B3GALT1: variants seen among roughly 807,000 people sequenced by gnomAD.
B3GALT1 encodes the protein beta-1,3-galactosyltransferase 1.
In B3GALT1, 10 loss-of-function variants were observed where a neutral mutation model predicts 23.2. That is an observed-to-expected ratio of 0.43 (90% confidence interval 0.27 to 0.73). The LOEUF is 0.73. Ranked by LOEUF, B3GALT1 falls within the 30% of genes least tolerant of loss-of-function variation. B3GALT1 has a pLI of 0.21. For missense variants in B3GALT1, 299 were observed against 405.4 expected (o/e 0.74, Z 2.25); for synonymous variants, 156 against 141.5 (o/e 1.10, Z -0.73).
intron 1 of B3GALT1, among the ~76,000 whole-genome samples, chr2:167,369,107 G>GTGTGTT (rs1559077327): frequency 7.5e-6 from 1 of 132,756 alleles, no homozygotes; most frequent in African/African-American, 2.7e-5. Flanking sequence ...GTGTGTGTGT[G>GTGTGTT]TATCTTTATG....
chr2:167,599,749 G>A (rs901927215), intron 2 of B3GALT1, among the ~76,000 whole-genome samples: 2 of 152,092 alleles, frequency 1.3e-5, no homozygotes, highest in African/African-American at 4.8e-5. Context: ...AACATATACT[G>A]TTTTACTGCC....
intron 2 of B3GALT1, among the ~76,000 whole-genome samples, chr2:167,559,438 G>T (rs903038507): frequency 1.3e-5 from 2 of 152,222 alleles, no homozygotes; most frequent in African/African-American, 4.8e-5. Flanking sequence ...CACCAGCAAC[G>T]AAACGAAGCT....
chr2:167,686,662 T>C (rs140770916), intron 3 of B3GALT1, among the ~76,000 whole-genome samples: 27 of 152,338 alleles, frequency 1.8e-4, no homozygotes, highest in African/African-American at 6.3e-4. Context: ...TATTTAAAGC[T>C]CACAGTCACT....
chr2:167,543,158 A>T (rs1399197168), intron 2 of B3GALT1, among the ~76,000 whole-genome samples: 4 of 152,160 alleles, frequency 2.6e-5, no homozygotes, highest in Non-Finnish European at 1.5e-5. Flanking sequence ...ATTCTCTAGA[A>T]CTATGGGATT....
At chr2:167,549,794 A>C (rs1683713773) in intron 2 of B3GALT1, among the ~76,000 whole-genome samples, 1 of 152,204 alleles carries the variant, frequency 6.6e-6, no homozygotes, top group African/African-American at 2.4e-5. Flanking sequence ...AAATATTACC[A>C]TTAAAGTCAT....
intron 2 of B3GALT1, among the ~76,000 whole-genome samples, chr2:167,623,746 TATA>T (rs1685298834): frequency 6.6e-6 from 1 of 152,030 alleles, no homozygotes; most frequent in South Asian, 2.1e-4. Flanking sequence ...GAACTTAAAG[TATA>T]ATAATTAACA....
Position 167,871,723 on chromosome 2 carries a change from T to G in B3GALT1, c.*1703T>G, listed in dbSNP as rs1690350071. On this transcript the variant is annotated 3_prime_UTR_variant, in exon 5 of 5. Transcript: ENST00000392690. ...CAGGAACCACTGAATCTGAATTCTCTCTAAGAAATTTGAGCGCAGGTAAAG... is the reference window on the plus strand; with the variant it reads ...CAGGAACCACTGAATCTGAATTCTCGCTAAGAAATTTGAGCGCAGGTAAAG... 1 of 152,128 alleles carries G rather than the reference T, an allele frequency of 6.6e-6. No individual in the cohort carries two copies. 9.4% of individuals were successfully genotyped at this position (152,128 alleles called of 1,614,324 possible). A position where few individuals can be genotyped will look rare whatever the true frequency, so the allele number is the denominator to read the frequency against.
intron 3 of B3GALT1, among the ~76,000 whole-genome samples, chr2:167,693,363 A>G (rs995226582): frequency 1.3e-5 from 2 of 152,210 alleles, no homozygotes; most frequent in East Asian, 1.9e-4. Flanking sequence ...CTTGATGTTA[A>G]AAGGCAGAGA....
chr2:167,841,189 A>G lies in B3GALT1; in HGVS notation c.-230+22396A>G, dbSNP rs1309378528. 4.6e-5 allele frequency among the ~76,000 whole-genome samples: 7 copies of G among 151,620 alleles called. No individual in the cohort carries two copies. In the East Asian group the frequency reaches 1.3e-3, roughly 29 times the overall value. On this transcript the variant is annotated intron_variant, in intron 4 of 4. Transcript: ENST00000392690. ...TTAAAGTATAATAATAAATAAATAA[A>G]TAAGTAAAAATAAAAATATGCCTTC...
intron 3 of B3GALT1, among the ~76,000 whole-genome samples, chr2:167,741,127 G>C (rs1180422807): frequency 6.6e-6 from 1 of 152,148 alleles, no homozygotes; most frequent in African/African-American, 2.4e-5. Context: ...AGCCTCTGGT[G>C]TTGTTGGCAG....
chr2:167,434,444 A>G (rs748100960), intron 1 of B3GALT1, among the ~76,000 whole-genome samples: 1 of 149,900 alleles, frequency 6.7e-6, no homozygotes, highest in Non-Finnish European at 1.5e-5. Flanking sequence ...CCACCCCCCA[A>G]TCTTGTAAGC....
chr2:167,744,685 G>A (rs1253794164), intron 3 of B3GALT1, among the ~76,000 whole-genome samples: 2 of 151,790 alleles, frequency 1.3e-5, no homozygotes, highest in African/African-American at 2.4e-5. Context: ...TCCACCTCCC[G>A]AGTTCAAGCG....
chr2:167,350,453 C>T (rs1697292450), intron 1 of B3GALT1, among the ~76,000 whole-genome samples: 1 of 152,190 alleles, frequency 6.6e-6, no homozygotes, highest in Admixed American at 6.5e-5. Flanking sequence ...AGGGTTCATA[C>T]ACAGGCTGAC....
chr2:167,366,185 C>T (rs1697581575), intron 1 of B3GALT1, among the ~76,000 whole-genome samples: 1 of 152,030 alleles, frequency 6.6e-6, no homozygotes. Context: ...GTTTATGAAG[C>T]ATTTAATTGG....
At chr2:167,613,510 T>C (rs1021966700) in intron 2 of B3GALT1, among the ~76,000 whole-genome samples, 4 of 151,736 alleles carry the variant, frequency 2.6e-5, no homozygotes, top group African/African-American at 7.2e-5. Flanking sequence ...ATACCAGATA[T>C]CAACTACTCA....
chr2:167,622,977 AATATATTGTTAC>A lies in B3GALT1; in HGVS notation c.-409-23927_-409-23916del, dbSNP rs1685284778. Among the ~76,000 whole-genome samples the A allele has an allele frequency of 2.0e-5, 3 of 152,076 alleles. No individual in the cohort carries two copies. The South Asian group carries it at 6.2e-4, about 31-fold the overall frequency. On this transcript the variant is annotated intron_variant, in intron 2 of 4. Transcript: ENST00000392690. ...TTATAAAATCTTTTGATTCTCCTCA[AATATATTGTTAC>A]ATATGGTTAGCATTCTTTCCACTAG...
chr2:167,694,228 A>G (rs1005004128), intron 3 of B3GALT1, among the ~76,000 whole-genome samples: 1 of 152,168 alleles, frequency 6.6e-6, no homozygotes, highest in African/African-American at 2.4e-5. Flanking sequence ...TATTGCAGGC[A>G]TAATTCTCAG....
intron 4 of B3GALT1, among the ~76,000 whole-genome samples, chr2:167,865,616 C>T (rs1690197864): frequency 6.6e-6 from 1 of 152,012 alleles, no homozygotes; most frequent in African/African-American, 2.4e-5. Flanking sequence ...ACCGTGAAAC[C>T]CCGTCTCTAC....
intron 2 of B3GALT1, among the ~76,000 whole-genome samples, chr2:167,516,316 A>G (rs1279572935): frequency 1.3e-5 from 2 of 152,024 alleles, no homozygotes; most frequent in South Asian, 2.1e-4. Context: ...GCCATCCTCA[A>G]CACTTCTGCC....
Sources: allele counts gnomAD v4.1 joint callset (sites outside exome capture counted in the v4.1 genomes callset), GRCh38; gene constraint gnomAD v4.1.1; transcripts MANE v1.5; gene names NCBI Gene and HGNC (gene_info 2026-07-23, HGNC 2026-07-21).